The following FECH variants were observed in gnomAD, a reference collection of about 807,000 sequenced individuals.
FECH encodes the protein ferrochelatase, mitochondrial.
Under a neutral mutation model 56.9 loss-of-function variants are expected in FECH, and 40 were observed. That is an observed-to-expected ratio of 0.70 (90% confidence interval 0.55 to 0.92). FECH has a LOEUF of 0.92. Among genes scored for constraint, FECH ranks in the 40% least tolerant of loss-of-function variants. The probability of loss-of-function intolerance (pLI) is 0.00; values close to 1 mark genes in which losing one functional copy is unlikely to be tolerated. For missense variants in FECH, 431 were observed against 529.1 expected, an observed-to-expected ratio of 0.81 and a Z score of 1.82; for synonymous variants, 175 against 198.6, an observed-to-expected ratio of 0.88 and a Z score of 1.00.
Position 57,586,692 on chromosome 18 carries a change from C to A in FECH, c.-72G>T, listed in dbSNP as rs1232840099. On this transcript the variant is annotated 5_prime_UTR_variant, in exon 1 of 11. Coordinates refer to ENST00000262093, the MANE Select transcript of FECH (RefSeq NM_000140.5). ...CGCCCAGGTGTCCGCCCAGCAGTGG[C>A]CGAGCCGGGTAGCGATCCCCACGCG... The A allele has an allele frequency of 8.0e-6, 11 of 1,383,430 alleles. No individual in the cohort carries two copies. The highest frequency in any genetic ancestry group is 1.1e-5 in the Non-Finnish European group (11 of 1,045,006). The allele number at this position is 1,383,430 out of a possible 1,614,324, so 85.7% of individuals were successfully genotyped here. A position where few individuals can be genotyped will look rare whatever the true frequency, so the allele number is the denominator to read the frequency against.
At position 57,545,873 on chromosome 18, in the gene FECH, A is replaced by G. The variant is rs949422179; in HGVS notation, c.*4839T>C. On this transcript the variant is annotated 3_prime_UTR_variant, in exon 11 of 11. Coordinates refer to ENST00000262093, the MANE Select transcript of FECH (RefSeq NM_000140.5). ...TCAAAATTTTAGATATGCAGGATAAATATGTTCTGGGGATCTAACATACAG... is the reference window on the plus strand; with the variant it reads ...TCAAAATTTTAGATATGCAGGATAAGTATGTTCTGGGGATCTAACATACAG... Among the ~76,000 whole-genome samples the G allele has an allele frequency of 2.0e-5, 3 of 152,224 alleles. No individual in the cohort carries two copies. The highest frequency in any genetic ancestry group is 4.4e-5 in the Non-Finnish European group (3 of 68,038).
chr18:57,548,146 G>A lies in FECH; in HGVS notation c.*2566C>T, dbSNP rs2050743628. The stretch of plus-strand genomic sequence containing the variant: ...GCACTCCTGTAGTCCCAGCTACTTG[G>A]AGGCTGAGGTGGGAGGATCACTTGA... On this transcript the variant is annotated 3_prime_UTR_variant, in exon 11 of 11. Coordinates refer to ENST00000262093, the MANE Select transcript of FECH (RefSeq NM_000140.5). 6.6e-6 allele frequency: 1 copy of A among 151,968 alleles called. No homozygotes were observed. Among genetic ancestry groups the A allele is most frequent in the Non-Finnish European group, 1.5e-5 (1 of 68,108 alleles). The allele number at this position is 151,968 out of a possible 1,614,324, so 9.4% of individuals were successfully genotyped here.
chr18:57,573,440 A>G, intron 2 of FECH, 75 bp from the exon 3 acceptor site: 1 of 1,537,956 alleles, frequency 6.5e-7, no homozygotes, highest in Middle Eastern at 1.7e-4. Flanking sequence ...TGGTTCAGCC[A>G]GCAAACTCTA....
At chr18:57,567,115 C>G (rs1384067644) in intron 4 of FECH, among the ~76,000 whole-genome samples, 1 of 152,124 alleles carries the variant, frequency 6.6e-6, no homozygotes, top group South Asian at 2.1e-4. Flanking sequence ...TCCCAGGCCC[C>G]CCACCTCACC....
intron 2 of FECH, among the ~76,000 whole-genome samples, chr18:57,573,708 C>T (rs1215870705): frequency 6.6e-6 from 1 of 152,218 alleles, no homozygotes; most frequent in African/African-American, 2.4e-5. Context: ...GCTAAAGCAC[C>T]TGTACATGTG....
intron 2 of FECH, among the ~76,000 whole-genome samples, chr18:57,574,198 T>G (rs548397896): frequency 1.3e-5 from 2 of 152,222 alleles, no homozygotes; most frequent in South Asian, 4.2e-4. Context: ...TTCGCCATGT[T>G]GGCCAGGCTG....
chr18:57,554,074 C>T (rs2050834532), intron 9 of FECH, among the ~76,000 whole-genome samples, 186 bp downstream of exon 9: 1 of 152,184 alleles, frequency 6.6e-6, no homozygotes, highest in Non-Finnish European at 1.5e-5. Context: ...TCCCCTCCCA[C>T]TGCATGGAAT....
intron 2 of FECH, among the ~76,000 whole-genome samples, chr18:57,579,273 A>ATATGTGTGTATATCTATATATATG (rs1568154235): frequency 1.6e-5 from 2 of 124,204 alleles, no homozygotes; most frequent in African/African-American, 6.4e-5. Context: ...ATATATATAT[A>ATATGTGTGTATATCTATATATATG]TGTGTGTGTG....
chr18:57,581,248 A>G (rs1302732562), intron 1 of FECH, among the ~76,000 whole-genome samples: 1 of 152,170 alleles, frequency 6.6e-6, no homozygotes, highest in Non-Finnish European at 1.5e-5. Flanking sequence ...CACATACCAT[A>G]TATGTGCCTT....
chr18:57,546,771 C>A lies in FECH; in HGVS notation c.*3941G>T, dbSNP rs1406846191. Reference sequence around the variant, plus strand: ...GTCAGGAATTAGAGACCAGCCTGACCAACATGGTCAGGCCCCATCTCTACT... The same window carrying A: ...GTCAGGAATTAGAGACCAGCCTGACAAACATGGTCAGGCCCCATCTCTACT... On this transcript the variant is annotated 3_prime_UTR_variant, in exon 11 of 11. Coordinates refer to ENST00000262093, the MANE Select transcript of FECH (RefSeq NM_000140.5). Among the ~76,000 whole-genome samples, 6 of 151,456 alleles carry A rather than the reference C, an allele frequency of 4.0e-5. No homozygotes were observed. The highest frequency in any genetic ancestry group is 7.4e-5 in the Non-Finnish European group (5 of 67,858).
rs2050965099 is a variant in FECH, at chr18:57,562,970, T to C, written c.609A>G (p.Leu203=). The change falls in exon 6 of 11, where the codon TTA becomes TTG. Residue 203 remains leucine, a synonymous_variant. Coordinates refer to ENST00000262093, the MANE Select transcript of FECH (RefSeq NM_000140.5). ...GATTATAGTATCTGTAAATGGCATT[T>C]AAGCTGCTGCCTGAAATATACAGAG... ...QYSCSTTGSS[L]NAIYRYYNQV... 2.5e-6 allele frequency: 4 copies of C among 1,613,830 alleles called. No individual in the cohort carries two copies. In the African/African-American group the frequency reaches 5.3e-5, roughly 22 times the overall value.
Position 57,544,648 on chromosome 18 carries a change from A to G in FECH, c.*6064T>C, listed in dbSNP as rs1568137924. 6.6e-6 allele frequency among the ~76,000 whole-genome samples: 1 copy of G among 152,234 alleles called. No individual in the cohort carries two copies. Among genetic ancestry groups the G allele is most frequent in the Non-Finnish European group, 1.5e-5 (1 of 68,042 alleles). On this transcript the variant is annotated 3_prime_UTR_variant, in exon 11 of 11. Coordinates refer to ENST00000262093, the MANE Select transcript of FECH (RefSeq NM_000140.5). ...TATGAAACAACTTCTTTGTATGCCA[A>G]TACTTCACTTGGATAAGTTGAATAA... is the stretch of plus-strand genomic sequence containing the variant.
At chr18:57,572,590 G>GC (rs1238123818) in intron 3 of FECH, among the ~76,000 whole-genome samples, 2 of 99,024 alleles carry the variant, frequency 2.0e-5, no homozygotes, top group African/African-American at 3.2e-5. Context: ...TAACGAAGTG[G>GC]GGGGGGGGGT....
At chr18:57,560,426 C>T (rs12454808) in intron 6 of FECH, among the ~76,000 whole-genome samples, 14,167 of 152,280 alleles carry the variant, frequency 0.093, 1,092 homozygotes, top group East Asian at 0.33. Flanking sequence ...CAAGGTTGGA[C>T]GACTGCTGGA....
chr18:57,558,431 G>A (rs1410922377), intron 7 of FECH, among the ~76,000 whole-genome samples: 1 of 152,180 alleles, frequency 6.6e-6, no homozygotes, highest in East Asian at 1.9e-4. Flanking sequence ...CTGAGTCTTA[G>A]CAAACTGCAA....
At chr18:57,565,462 C>T (rs978130742) in intron 5 of FECH, among the ~76,000 whole-genome samples, 2 of 151,816 alleles carry the variant, frequency 1.3e-5, no homozygotes, top group Non-Finnish European at 2.9e-5. Context: ...ACAAATTAGC[C>T]GAGCGTGGTG....
chr18:57,553,597 G>C (rs1295680807), intron 9 of FECH, among the ~76,000 whole-genome samples: 1 of 152,182 alleles, frequency 6.6e-6, no homozygotes, highest in South Asian at 2.1e-4. Flanking sequence ...TCAAAAGCCA[G>C]GACATAGATG....
intron 7 of FECH, among the ~76,000 whole-genome samples, chr18:57,556,307 C>A (rs2050866619): frequency 6.6e-6 from 1 of 152,106 alleles, no homozygotes; most frequent in African/African-American, 2.4e-5. Context: ...TAGGAAATAA[C>A]AAAATCTCTG....
At chr18:57,580,295 A>G in intron 1 of FECH, 96 bp from the exon 2 acceptor site, 1 of 1,475,100 alleles carries the variant, frequency 6.8e-7, no homozygotes, top group Non-Finnish European at 9.3e-7. Flanking sequence ...TAAAATTTAA[A>G]GAGATCCCAT....
Sources: gnomAD v4.1 joint callset for allele counts (sites outside exome capture counted in the v4.1 genomes callset) on GRCh38, gnomAD v4.1.1 for gene constraint, MANE v1.5 for transcripts, NCBI Gene and HGNC (gene_info 2026-07-23, HGNC 2026-07-21) for gene names.